RALYL: variants seen among roughly 807,000 people sequenced by gnomAD.
RALYL encodes the protein RNA-binding Raly-like protein.
A neutral mutation model predicts 35.1 loss-of-function variants in RALYL; 29 were observed. The observed-to-expected ratio is 0.83, with a 90% CI of 0.61 to 1.13. RALYL has a LOEUF of 1.13. RALYL is among the 50% of genes most tolerant of loss of function. The pLI is 0.00. For missense variants in RALYL, 359 were observed against 360.4 expected (o/e 1.00, Z 0.03); for synonymous variants, 120 against 127.6 (o/e 0.94, Z 0.40).
At chr8:84,774,185 C>T (rs989344886) in intron 2 of RALYL, among the ~76,000 whole-genome samples, 3 of 152,156 alleles carry the variant, frequency 2.0e-5, no homozygotes, top group African/African-American at 7.2e-5. Flanking sequence ...CCCCACTGCA[C>T]TCCAGCCTGG....
At chr8:84,840,218 G>GAAA (rs543839884) in intron 4 of RALYL, among the ~76,000 whole-genome samples, 5 of 150,530 alleles carry the variant, frequency 3.3e-5, no homozygotes. Flanking sequence ...AAAAAACCTT[G>GAAA]AAAAAAAAAT....
intron 1 of RALYL, among the ~76,000 whole-genome samples, chr8:84,528,562 A>C (rs1282304506): frequency 6.6e-6 from 1 of 152,158 alleles, no homozygotes; most frequent in Admixed American, 6.5e-5. Context: ...GTTAAGAATA[A>C]AATTTCAACA....
rs549606299 is a variant in RALYL at position 84,663,989 on chromosome 8, C to T, written c.257-110590C>T. On this transcript the variant is annotated intron_variant, in intron 2 of 8. Coordinates refer to ENST00000521268, the MANE Select transcript of RALYL (RefSeq NM_173848.7). ...CTTTCATCCATCCTGAATTGATTTTCGTGTATGGTGTAAGGAAGGGGTCCA... is the reference window on the plus strand; with the variant it reads ...CTTTCATCCATCCTGAATTGATTTTTGTGTATGGTGTAAGGAAGGGGTCCA... Among the ~76,000 whole-genome samples, 11 of 152,046 alleles carry T rather than the reference C, an allele frequency of 7.2e-5. No individual in the cohort carries two copies. The East Asian group carries it at 1.7e-3, about 24-fold the overall frequency.
intron 3 of RALYL, among the ~76,000 whole-genome samples, chr8:84,793,355 G>C (rs2133878738): frequency 6.6e-6 from 1 of 152,302 alleles, no homozygotes; most frequent in South Asian, 2.1e-4. Flanking sequence ...CAGGGAAGAA[G>C]ATGTTTCAAG....
At chr8:84,599,989 G>A (rs1396235848) in intron 2 of RALYL, among the ~76,000 whole-genome samples, 1 of 150,836 alleles carries the variant, frequency 6.6e-6, no homozygotes, top group African/African-American at 2.4e-5. Flanking sequence ...TCTGATGATG[G>A]GTCACTTTCT....
At chr8:84,472,403 G>A (rs1205435330) in intron 1 of RALYL, among the ~76,000 whole-genome samples, 1 of 152,148 alleles carries the variant, frequency 6.6e-6, no homozygotes, top group African/African-American at 2.4e-5. Flanking sequence ...TCTGAGAGAT[G>A]GAGGAAGACT....
intron 1 of RALYL, among the ~76,000 whole-genome samples, chr8:84,390,071 C>G (rs1057069337): frequency 8.5e-5 from 13 of 152,084 alleles, no homozygotes; most frequent in African/African-American, 3.1e-4. Context: ...TGAATTTTGT[C>G]AAAGGCCTTT....
intron 2 of RALYL, among the ~76,000 whole-genome samples, chr8:84,739,671 T>C (rs1355246857): frequency 6.6e-6 from 1 of 151,812 alleles, no homozygotes; most frequent in East Asian, 1.9e-4. Context: ...ACAATAATTA[T>C]CAATGTAGTT....
intron 2 of RALYL, among the ~76,000 whole-genome samples, chr8:84,565,410 G>T (rs1273284516): frequency 6.6e-6 from 1 of 151,380 alleles, no homozygotes; most frequent in Non-Finnish European, 1.5e-5. Context: ...ATTTATCTAA[G>T]TATCACTGGG....
intron 5 of RALYL, among the ~76,000 whole-genome samples, chr8:84,861,685 C>A (rs1838127626): frequency 6.6e-6 from 1 of 152,188 alleles, no homozygotes; most frequent in African/African-American, 2.4e-5. Flanking sequence ...TCATGTCATT[C>A]AAACTGTCTC....
chr8:84,327,747 A>T (rs150796596), intron 1 of RALYL, among the ~76,000 whole-genome samples: 23 of 152,134 alleles, frequency 1.5e-4, no homozygotes, highest in Admixed American at 7.2e-4. Context: ...TTAAAGCAGT[A>T]GGAATTCATT....
At chr8:84,751,952 A>G (rs1012836375) in intron 2 of RALYL, among the ~76,000 whole-genome samples, 5 of 152,202 alleles carry the variant, frequency 3.3e-5, no homozygotes, top group South Asian at 2.1e-4. Flanking sequence ...GGGCATTGCT[A>G]TAAAGATATC....
At chr8:84,769,239 G>A (rs544090740) in intron 2 of RALYL, among the ~76,000 whole-genome samples, 14 of 142,256 alleles carry the variant, frequency 9.8e-5, no homozygotes, top group Non-Finnish European at 9.4e-5. Context: ...AGACAGCCTC[G>A]ATCTGGCTGT....
intron 2 of RALYL, among the ~76,000 whole-genome samples, chr8:84,746,388 C>T (rs539723937): frequency 1.1e-4 from 17 of 152,060 alleles, no homozygotes; most frequent in African/African-American, 3.9e-4. Context: ...AGAAAAATCT[C>T]ACCTTCCTGA....
chr8:84,395,624 C>T (rs1272632285), intron 1 of RALYL, among the ~76,000 whole-genome samples: 6 of 151,774 alleles, frequency 4.0e-5, no homozygotes, highest in Admixed American at 6.6e-5. Context: ...TGGCACATTA[C>T]GTATGTTCAT....
intron 1 of RALYL, among the ~76,000 whole-genome samples, chr8:84,519,747 C>G (rs1323886373): frequency 6.6e-6 from 1 of 152,150 alleles, no homozygotes; most frequent in Non-Finnish European, 1.5e-5. Flanking sequence ...GGCACTAAAA[C>G]AAGGGGATGA....
At chr8:84,317,816 C>A (rs1284324396) in intron 1 of RALYL, among the ~76,000 whole-genome samples, 3 of 152,070 alleles carry the variant, frequency 2.0e-5, no homozygotes, top group Non-Finnish European at 4.4e-5. Flanking sequence ...TGTACGTTGA[C>A]CTACTTGGAA....
chr8:84,388,188 C>T (rs1262543949), intron 1 of RALYL, among the ~76,000 whole-genome samples: 3 of 152,084 alleles, frequency 2.0e-5, no homozygotes, highest in Non-Finnish European at 4.4e-5. Flanking sequence ...TTTTTTATGG[C>T]TGCATAGTAT....
intron 8 of RALYL, among the ~76,000 whole-genome samples, chr8:84,894,850 C>T (rs962097409): frequency 6.6e-6 from 1 of 152,196 alleles, no homozygotes; most frequent in African/African-American, 2.4e-5. Context: ...GGCAAAATCT[C>T]TCCTGGAGGT....
Sources: gnomAD v4.1 joint callset for allele counts (sites outside exome capture counted in the v4.1 genomes callset) on GRCh38, gnomAD v4.1.1 for gene constraint, MANE v1.5 for transcripts, NCBI Gene and HGNC (gene_info 2026-07-23, HGNC 2026-07-21) for gene names.